The following SLC17A5 variants were observed in gnomAD, a reference collection of about 807,000 sequenced individuals.
SLC17A5 encodes the protein sialin.
In SLC17A5, 47 loss-of-function variants were observed where a neutral mutation model predicts 59.4. The ratio of observed to expected loss-of-function variants is 0.79; its 90% CI spans 0.63 to 1.01. The LOEUF is 1.01. Ranked by LOEUF, SLC17A5 falls within the 50% of genes least tolerant of loss-of-function variation. SLC17A5 has a pLI of 0.00. For missense variants in SLC17A5, 522 were observed against 595.5 expected, an observed-to-expected ratio of 0.88 and a Z score of 1.28; for synonymous variants, 202 against 210.7, an observed-to-expected ratio of 0.96 and a Z score of 0.36.
At chr6:73,640,947 A>G (rs1331351622) in intron 3 of SLC17A5, among the ~76,000 whole-genome samples, 2 of 152,204 alleles carry the variant, frequency 1.3e-5, no homozygotes, top group East Asian at 3.8e-4. Context: ...GAAAAAATAA[A>G]AGAATAAGCG....
At chr6:73,608,864 T>A (rs1767516618) in intron 9 of SLC17A5, among the ~76,000 whole-genome samples, 1 of 152,044 alleles carries the variant, frequency 6.6e-6, no homozygotes, top group Non-Finnish European at 1.5e-5. Flanking sequence ...AAATATTTTT[T>A]GAAAAATTAA....
chr6:73,597,283 A>G (rs919777395), intron 10 of SLC17A5, among the ~76,000 whole-genome samples: 43 of 148,648 alleles, frequency 2.9e-4, no homozygotes, highest in African/African-American at 1.1e-3. Context: ...CTGGCTAACA[A>G]GGTGAAACCC....
At position 73,633,523 on chromosome 6, in the gene SLC17A5, TG is replaced by T. The variant is rs1768861272; in HGVS notation, c.819+1858del. Among the ~76,000 whole-genome samples the T allele has an allele frequency of 2.0e-5, 3 of 151,280 alleles. No homozygotes were observed. The South Asian group carries it at 6.4e-4, about 32-fold the overall frequency. Reference sequence around the variant, plus strand: ...CTGGGATTACAGGCGTAAATCACCATGCCCAGCCAAGACTAAGTTTTTAATT... The same window carrying T: ...CTGGGATTACAGGCGTAAATCACCATCCCAGCCAAGACTAAGTTTTTAATT... On this transcript the variant is annotated intron_variant, in intron 6 of 10. Coordinates refer to ENST00000355773, the MANE Select transcript of SLC17A5 (RefSeq NM_012434.5).
chr6:73,595,179 A>G lies in SLC17A5; in HGVS notation c.1386T>C (p.Ile462=), dbSNP rs1766737320. The G allele has an allele frequency of 1.2e-6, 2 of 1,614,196 alleles. No homozygotes were observed. Among genetic ancestry groups the G allele is most frequent in the Non-Finnish European group, 1.7e-6 (2 of 1,180,032 alleles). Residue 462 remains isoleucine (I), a synonymous_variant, in exon 11 of 11, where the codon ATT becomes ATC. Coordinates refer to ENST00000355773, the MANE Select transcript of SLC17A5 (RefSeq NM_012434.5). ...CACCAAAAACATTAATAGCAGCAGCAATATAGAACACGGTTTGCCATTCTC... is the reference window on the plus strand; with the variant it reads ...CACCAAAAACATTAATAGCAGCAGCGATATAGAACACGGTTTGCCATTCTC... The part of the protein sequence containing the change: ...TVGEWQTVFY[I]AAAINVFGAI...
chr6:73,622,772 GT>G (rs1768210836), intron 6 of SLC17A5, among the ~76,000 whole-genome samples: 1 of 152,106 alleles, frequency 6.6e-6, no homozygotes, highest in South Asian at 2.1e-4. Flanking sequence ...TGCAGTAGTG[GT>G]CTTTAAAGCA....
chr6:73,647,861 A>G (rs955980598), intron 1 of SLC17A5, among the ~76,000 whole-genome samples: 29 of 152,208 alleles, frequency 1.9e-4, no homozygotes, highest in African/African-American at 6.5e-4. Context: ...TGAGGTCAGG[A>G]GTTTGTAGAC....
Position 73,653,981 on chromosome 6 carries a change from C to A in SLC17A5, c.-95G>T, listed in dbSNP as rs999324081. On this transcript the variant is annotated 5_prime_UTR_variant, in exon 1 of 11. Coordinates refer to ENST00000355773, the MANE Select transcript of SLC17A5 (RefSeq NM_012434.5). ...CCCGGGCCGAGCTGGCTGGACCGGG[C>A]GGGGCGGGGGCGATGACACCGCCCC... 2.9e-6 allele frequency: 3 copies of A among 1,018,410 alleles called. No individual in the cohort carries two copies. The highest frequency in any genetic ancestry group is 2.7e-5 in the South Asian group (2 of 73,310). The allele number at this position is 1,018,410 out of a possible 1,614,324, so 63.1% of individuals were successfully genotyped here.
At chr6:73,623,662 T>TTTTTTTTA (rs1554163019) in intron 6 of SLC17A5, among the ~76,000 whole-genome samples, 16 of 136,698 alleles carry the variant, frequency 1.2e-4, no homozygotes, top group Non-Finnish European at 2.3e-4. Context: ...TGTCTTTTAT[T>TTTTTTTTA]TTTATTTATT....
intron 10 of SLC17A5, among the ~76,000 whole-genome samples, 171 bp from the exon 11 acceptor site, chr6:73,595,385 G>C (rs927602727): frequency 6.6e-6 from 1 of 152,134 alleles, no homozygotes; most frequent in Admixed American, 6.5e-5. Flanking sequence ...TTTGTTCAAC[G>C]TAATACAATA....
chr6:73,653,985 G>A lies in SLC17A5; in HGVS notation c.-99C>T. 1 of 1,134,954 alleles carries A rather than the reference G, an allele frequency of 8.8e-7. No individual in the cohort carries two copies. Among genetic ancestry groups the A allele is most frequent in the Non-Finnish European group, 1.3e-6 (1 of 784,806 alleles). The allele number at this position is 1,134,954 out of a possible 1,614,324, so 70.3% of individuals were successfully genotyped here. A position where few individuals can be genotyped will look rare whatever the true frequency, so the allele number is the denominator to read the frequency against. On this transcript the variant is annotated 5_prime_UTR_variant, in exon 1 of 11. Transcript: ENST00000355773. ...GGCCGAGCTGGCTGGACCGGGCGGG[G>A]CGGGGGCGATGACACCGCCCCGCGG... is the stretch of plus-strand genomic sequence containing the variant.
At chr6:73,623,826 T>C (rs1768275746) in intron 6 of SLC17A5, among the ~76,000 whole-genome samples, 1 of 151,690 alleles carries the variant, frequency 6.6e-6, no homozygotes, top group African/African-American at 2.4e-5. Flanking sequence ...GCCTCCTGAG[T>C]AGCTGGAATC....
chr6:73,617,933 T>C (rs1767944595), intron 7 of SLC17A5, among the ~76,000 whole-genome samples: 2 of 150,928 alleles, frequency 1.3e-5, no homozygotes, highest in Admixed American at 1.3e-4. Flanking sequence ...TTTAAAAAAA[T>C]TGATTCCAAT....
chr6:73,638,596 G>T (rs1344127903), intron 3 of SLC17A5, 97 bp from the exon 4 acceptor site: 18 of 970,932 alleles, frequency 1.9e-5, no homozygotes, highest in East Asian at 2.6e-5. Context: ...GCATTTTCTG[G>T]ATAAGAATCA....
Position 73,653,891 on chromosome 6 carries a change from C to G in SLC17A5, c.-5G>C. ...GTCTCGAACCGGAGACCTCATGACG[C>G]CTACGTGAGCAGGTGTACTCGCCAC... On this transcript the variant is annotated 5_prime_UTR_variant, in exon 1 of 11. Transcript: ENST00000355773. 6.2e-7 allele frequency: 1 copy of G among 1,603,060 alleles called. No homozygotes were observed.
At chr6:73,632,433 G>GTTTTT (rs1768782373) in intron 6 of SLC17A5, among the ~76,000 whole-genome samples, 10 of 101,392 alleles carry the variant, frequency 9.9e-5, no homozygotes, top group Non-Finnish European at 2.0e-4. Flanking sequence ...TGTAGAGAAA[G>GTTTTT]CTTTTTTTTT....
chr6:73,637,078 C>CA (rs201154792), intron 4 of SLC17A5, among the ~76,000 whole-genome samples: 1,548 of 77,886 alleles, frequency 0.02, 28 homozygotes, highest in African/African-American at 0.069. Context: ...GACCCTGGCT[C>CA]AAAAAAAAAA....
intron 1 of SLC17A5, among the ~76,000 whole-genome samples, chr6:73,651,290 G>C (rs565339333): frequency 6.6e-6 from 1 of 151,236 alleles, no homozygotes; most frequent in African/African-American, 2.4e-5. Flanking sequence ...GTGAAACTCC[G>C]TCTCTACTAA....
rs377101723 is a variant in SLC17A5, at chr6:73,641,697, T to G, written c.519A>C (p.Leu173=). The G allele has an allele frequency of 1.2e-5, 19 of 1,608,868 alleles. No individual in the cohort carries two copies. The highest frequency in any genetic ancestry group is 3.3e-5 in the Admixed American group (2 of 59,838). Residue 173 remains leucine (L), a synonymous_variant, in exon 3 of 11, where the codon CTA becomes CTC. Transcript: ENST00000355773. ...AGAGAGAAAAGAAAATTACCTCTCCTAGTCCTTCTAGTGCTCTGAGTACAA... is the reference window on the plus strand; with the variant it reads ...AGAGAGAAAAGAAAATTACCTCTCCGAGTCCTTCTAGTGCTCTGAGTACAA... ...PLIVLRALEG[L]GEGVTFPAMH... is the part of the protein sequence containing the mutation.
intron 6 of SLC17A5, among the ~76,000 whole-genome samples, chr6:73,627,091 T>C (rs1166220041): frequency 6.0e-5 from 9 of 151,256 alleles, no homozygotes; most frequent in Admixed American, 5.9e-4. Context: ...TTTTTTTTTT[T>C]TCTTGAGACG....
Sources: allele counts gnomAD v4.1 joint callset (sites outside exome capture counted in the v4.1 genomes callset), GRCh38; gene constraint gnomAD v4.1.1; transcripts MANE v1.5; gene names NCBI Gene and HGNC (gene_info 2026-07-23, HGNC 2026-07-21).